KLF12: variants seen among roughly 807,000 people sequenced by gnomAD.
The protein encoded by KLF12 is Krueppel-like factor 12.
A neutral mutation model predicts 37.8 loss-of-function variants in KLF12; 9 were observed. The ratio of observed to expected loss-of-function variants is 0.24; its 90% confidence interval spans 0.14 to 0.42. KLF12 has a LOEUF of 0.42. Among genes scored for constraint, KLF12 ranks in the 10% least tolerant of loss-of-function variants. KLF12 has a pLI of 1.00. For synonymous variants in KLF12, 208 were observed against 202.1 expected (o/e 1.03, Z -0.25); for missense variants, 411 against 516.0 (o/e 0.80, Z 1.97).
At chr13:74,191,785 G>A in the KLF12 span, among the ~76,000 whole-genome samples, 1 of 151,742 alleles carries the variant, frequency 6.6e-6, no homozygotes, top group South Asian at 2.1e-4. Flanking sequence ...GGAGGTATTT[G>A]GTATATATAA....
At chr13:73,817,995 T>C (rs1883324868) in intron 4 of KLF12, among the ~76,000 whole-genome samples, 1 of 152,280 alleles carries the variant, frequency 6.6e-6, no homozygotes. Context: ...TACTGCATTC[T>C]GCATCATTTA....
intron 1 of KLF12, among the ~76,000 whole-genome samples, chr13:74,100,285 G>C (rs1259224537): frequency 6.6e-6 from 1 of 152,150 alleles, no homozygotes; most frequent in Non-Finnish European, 1.5e-5. Flanking sequence ...TGCTACACTG[G>C]AATTGGAAAA....
intron 5 of KLF12, among the ~76,000 whole-genome samples, chr13:73,809,889 C>A (rs1356084582): frequency 6.6e-6 from 1 of 151,846 alleles, no homozygotes; most frequent in East Asian, 1.9e-4. Context: ...CCATGATACA[C>A]ATGCAACTTT....
At chr13:74,121,911 T>C (rs1204906079) in intron 1 of KLF12, among the ~76,000 whole-genome samples, 3 of 152,066 alleles carry the variant, frequency 2.0e-5, no homozygotes, top group Non-Finnish European at 4.4e-5. Flanking sequence ...GATACAATGG[T>C]ATGTCTATGC....
At chr13:73,985,859 C>A (rs560542863) in intron 2 of KLF12, among the ~76,000 whole-genome samples, 9 of 152,292 alleles carry the variant, frequency 5.9e-5, no homozygotes, top group East Asian at 1.9e-4. Flanking sequence ...AGAAAAAGTT[C>A]TTTGAAATCT....
the KLF12 span, among the ~76,000 whole-genome samples, chr13:74,253,438 G>C: frequency 6.6e-6 from 1 of 152,172 alleles, no homozygotes; most frequent in Non-Finnish European, 1.5e-5. Context: ...TGGTAGCTAA[G>C]TGGTTGTGAG....
At chr13:74,047,255 T>G (rs1893570981) in intron 1 of KLF12, among the ~76,000 whole-genome samples, 1 of 151,920 alleles carries the variant, frequency 6.6e-6, no homozygotes, top group African/African-American at 2.4e-5. Flanking sequence ...ATTTAGGAAA[T>G]AGGTGACCAG....
intron 5 of KLF12, among the ~76,000 whole-genome samples, chr13:73,780,381 C>T (rs1466501242): frequency 6.6e-6 from 1 of 152,124 alleles, no homozygotes; most frequent in East Asian, 1.9e-4. Flanking sequence ...TCTTTTATCC[C>T]TTGTCACCCA....
intron 1 of KLF12, among the ~76,000 whole-genome samples, chr13:74,129,113 A>G (rs902200662): frequency 9.2e-5 from 14 of 152,352 alleles, no homozygotes; most frequent in African/African-American, 3.1e-4. Context: ...ACCAAAATCC[A>G]TGGATGCTCA....
chr13:73,974,379 G>T (rs1208575747), intron 2 of KLF12, among the ~76,000 whole-genome samples: 2 of 151,630 alleles, frequency 1.3e-5, no homozygotes, highest in African/African-American at 4.9e-5. Context: ...GAACAAAGAA[G>T]TCAAACTGGT....
At chr13:74,090,183 T>G (rs1875567656) in intron 1 of KLF12, among the ~76,000 whole-genome samples, 1 of 151,170 alleles carries the variant, frequency 6.6e-6, no homozygotes, top group South Asian at 2.1e-4. Context: ...ACAATTATAT[T>G]TATAATAGTA....
chr13:73,894,794 T>C (rs889214513), intron 3 of KLF12, among the ~76,000 whole-genome samples: 2 of 152,238 alleles, frequency 1.3e-5, no homozygotes, highest in Admixed American at 6.5e-5. Context: ...AAATATACTG[T>C]TGACTATGGG....
chr13:73,948,172 T>G (rs1469800071), intron 2 of KLF12, among the ~76,000 whole-genome samples: 1 of 152,072 alleles, frequency 6.6e-6, no homozygotes, highest in Non-Finnish European at 1.5e-5. Context: ...GTAAGGGACA[T>G]ATGAACAGTC....
the KLF12 span, among the ~76,000 whole-genome samples, chr13:74,142,617 T>A: frequency 1.3e-5 from 2 of 152,140 alleles, no homozygotes; most frequent in Admixed American, 1.3e-4. Context: ...TTATCACCAG[T>A]CCTAACTTGG....
At chr13:74,226,906 C>T in the KLF12 span, among the ~76,000 whole-genome samples, 2 of 152,172 alleles carry the variant, frequency 1.3e-5, no homozygotes, top group South Asian at 4.2e-4. Flanking sequence ...TTGTTTGTTT[C>T]CCAGTGTACC....
chr13:74,049,502 T>G (rs1306564629), intron 1 of KLF12, among the ~76,000 whole-genome samples: 2 of 152,114 alleles, frequency 1.3e-5, no homozygotes, highest in Admixed American at 1.3e-4. Context: ...ACATTATTAA[T>G]GCACTCACCA....
intron 3 of KLF12, among the ~76,000 whole-genome samples, chr13:73,849,467 G>C (rs1885211297): frequency 6.6e-6 from 1 of 151,394 alleles, no homozygotes; most frequent in South Asian, 2.1e-4. Context: ...CACTACAAAT[G>C]GCCACAAGGG....
At chr13:74,289,156 G>A in the KLF12 span, 2 of 152,104 alleles carry the variant, frequency 1.3e-5, no homozygotes, top group Admixed American at 6.5e-5. Flanking sequence ...CAAAGAGTTC[G>A]ATCTGTAATT....
intron 2 of KLF12, among the ~76,000 whole-genome samples, chr13:73,955,679 T>C (rs2139432300): frequency 6.6e-6 from 1 of 152,330 alleles, no homozygotes; most frequent in Middle Eastern, 3.4e-3. Context: ...AAATATACTG[T>C]TTAAGAGAAA....
Sources: allele counts gnomAD v4.1 joint callset (sites outside exome capture counted in the v4.1 genomes callset), GRCh38; gene constraint gnomAD v4.1.1; transcripts MANE v1.5; gene names NCBI Gene and HGNC (gene_info 2026-07-23, HGNC 2026-07-21).